PTGER4: variants seen among roughly 807,000 people sequenced by gnomAD.
PTGER4 encodes prostaglandin E receptor 4.
PTGER4 carries 11 observed loss-of-function variants against 33.2 expected under a neutral mutation model. The observed-to-expected ratio is 0.33, with a 90% CI of 0.21 to 0.55. The LOEUF is 0.55. Ranked by LOEUF, PTGER4 falls within the 20% of genes least tolerant of loss-of-function variation. The pLI is 0.92. For synonymous variants in PTGER4, 275 were observed against 281.5 expected, an observed-to-expected ratio of 0.98 and a Z score of 0.23; for missense variants, 481 against 650.2, an observed-to-expected ratio of 0.74 and a Z score of 2.83.
intron 2 of PTGER4, among the ~76,000 whole-genome samples, chr5:40,684,131 C>CCT (rs111465208): frequency 8.3e-6 from 1 of 119,826 alleles, no homozygotes; most frequent in Non-Finnish European, 1.7e-5. Context: ...CCCACCCCCC[C>CCT]CCCCACAATT....
the PTGER4 span, among the ~76,000 whole-genome samples, chr5:40,717,997 G>A: frequency 6.6e-6 from 1 of 151,948 alleles, no homozygotes. Flanking sequence ...GGGAGGCGGA[G>A]GTTGCAGTGA....
At chr5:40,687,939 G>A (rs1741369436) in intron 2 of PTGER4, among the ~76,000 whole-genome samples, 1 of 152,100 alleles carries the variant, frequency 6.6e-6, no homozygotes, top group Admixed American at 6.5e-5. Flanking sequence ...GAAATCCATT[G>A]CTGCTGTGGA....
In PTGER4 at chr5:40,693,299, T is replaced by C. The variant is rs1741517515; in HGVS notation, c.*921T>C. ...AAGTCTTTAATAAATAACCCATAAT[T>C]GAAGTGTATAATATAAAAAATTTTA... On this transcript the variant is annotated 3_prime_UTR_variant, in exon 3 of 3. Transcript: ENST00000302472. 1 of 971,162 alleles carries C rather than the reference T, an allele frequency of 1.0e-6. No individual in the cohort carries two copies. The highest frequency in any genetic ancestry group is 1.2e-6 in the Non-Finnish European group (1 of 816,876). 60.2% of individuals were successfully genotyped at this position (971,162 alleles called of 1,614,324 possible). A position where few individuals can be genotyped will look rare whatever the true frequency, so the allele number is the denominator to read the frequency against.
chr5:40,710,323 A>G, the PTGER4 span, among the ~76,000 whole-genome samples: 1 of 152,250 alleles, frequency 6.6e-6, no homozygotes, highest in African/African-American at 2.4e-5. Context: ...GACACATGAA[A>G]AAATGCTCAT....
the PTGER4 span, chr5:40,730,371 CA>C: frequency 6.4e-7 from 1 of 1,570,906 alleles, no homozygotes; most frequent in Non-Finnish European, 8.7e-7. Flanking sequence ...ATATCAATGC[CA>C]TATTTTCAAT....
At chr5:40,709,987 A>C in the PTGER4 span, among the ~76,000 whole-genome samples, 10 of 152,230 alleles carry the variant, frequency 6.6e-5, no homozygotes, top group Admixed American at 6.5e-4. Flanking sequence ...AAGAAAACCT[A>C]GGCAATACCA....
At chr5:40,689,821 T>G (rs958628183) in intron 2 of PTGER4, among the ~76,000 whole-genome samples, 2 of 152,194 alleles carry the variant, frequency 1.3e-5, no homozygotes, top group African/African-American at 4.8e-5. Context: ...ACTCAACCTC[T>G]TCTCCCTAAC....
chr5:40,682,511 T>G (rs1439327831), intron 2 of PTGER4, among the ~76,000 whole-genome samples: 1 of 152,204 alleles, frequency 6.6e-6, no homozygotes, highest in East Asian at 1.9e-4. Context: ...TACCATGGTG[T>G]GCCCTGGGAG....
At chr5:40,738,338 C>A in the PTGER4 span, among the ~76,000 whole-genome samples, 1 of 151,602 alleles carries the variant, frequency 6.6e-6, no homozygotes, top group Non-Finnish European at 1.5e-5. Context: ...TTGCTTGAAC[C>A]CGGGAGGTGG....
the PTGER4 span, among the ~76,000 whole-genome samples, chr5:40,723,133 C>G: frequency 6.6e-6 from 1 of 152,038 alleles, no homozygotes; most frequent in Non-Finnish European, 1.5e-5. Context: ...TATAACCTTA[C>G]CCCCAACCCC....
the PTGER4 span, among the ~76,000 whole-genome samples, chr5:40,740,594 A>C: frequency 6.6e-6 from 1 of 152,208 alleles, no homozygotes; most frequent in Non-Finnish European, 1.5e-5. Flanking sequence ...AGAAATAAGA[A>C]GACCAGCTCA....
At chr5:40,697,234 G>GAA (rs775347778), downstream of PTGER4, among the ~76,000 whole-genome samples, 4 of 73,576 alleles carry the variant, frequency 5.4e-5, no homozygotes, top group East Asian at 2.6e-4. Flanking sequence ...AGAAAAGAAA[G>GAA]AAAGAAAGAA....
chr5:40,739,034 A>G, the PTGER4 span, among the ~76,000 whole-genome samples: 1 of 152,214 alleles, frequency 6.6e-6, no homozygotes, highest in Non-Finnish European at 1.5e-5. Flanking sequence ...TTTAAAAACC[A>G]GAAGTTTTCA....
At chr5:40,697,018 A>G (rs374947461), downstream of PTGER4, among the ~76,000 whole-genome samples, 12 of 134,476 alleles carry the variant, frequency 8.9e-5, no homozygotes, top group Admixed American at 1.4e-4. Flanking sequence ...GAGAGAAAGA[A>G]AGAGAAAACA....
Position 40,681,473 on chromosome 5 carries a change from C to T in PTGER4, c.480C>T (p.Ser160=). 1 of 1,613,610 alleles carries T rather than the reference C, an allele frequency of 6.2e-7. No homozygotes were observed. Among genetic ancestry groups the T allele is most frequent in the Non-Finnish European group, 8.5e-7 (1 of 1,180,038 alleles). ...CGCTGCCCAACATGGGTCTCGGTAG[C>T]TCGCGGCTGCAGTACCCAGACACCT... ...FCALPNMGLG[S]SRLQYPDTWC... is the part of the protein sequence containing the mutation. The change falls in exon 2 of 3, where the codon AGC becomes AGT. Residue 160 remains serine (S), a synonymous_variant. Coordinates refer to ENST00000302472, the MANE Select transcript of PTGER4 (RefSeq NM_000958.3). This position sits in a 1 kb window ranked among gnomAD's most constrained non-coding sequence, Gnocchi z 9.8.
the PTGER4 span, among the ~76,000 whole-genome samples, chr5:40,712,824 C>A: frequency 6.6e-6 from 1 of 152,112 alleles, no homozygotes; most frequent in Non-Finnish European, 1.5e-5. Flanking sequence ...CCTTACCCGC[C>A]GCTGCCTTCT....
chr5:40,721,762 C>A, the PTGER4 span, among the ~76,000 whole-genome samples: 1 of 151,926 alleles, frequency 6.6e-6, no homozygotes, highest in African/African-American at 2.4e-5. Flanking sequence ...GAATATAACA[C>A]CAAAAACATA....
downstream of PTGER4, among the ~76,000 whole-genome samples, chr5:40,694,649 T>C (rs1484389814): frequency 6.6e-6 from 1 of 151,068 alleles, no homozygotes; most frequent in Non-Finnish European, 1.5e-5. Flanking sequence ...CTAGTCATAC[T>C]GGATTAGGGC....
the PTGER4 span, among the ~76,000 whole-genome samples, chr5:40,724,116 A>C: frequency 6.6e-6 from 1 of 152,242 alleles, no homozygotes; most frequent in Non-Finnish European, 1.5e-5. Flanking sequence ...CAATATGTAG[A>C]AACAACCTAA....
Sources: allele counts gnomAD v4.1 joint callset (sites outside exome capture counted in the v4.1 genomes callset), GRCh38; gene constraint gnomAD v4.1.1; non-coding constraint Gnocchi (gnomAD v3.1); transcripts MANE v1.5; gene names NCBI Gene and HGNC (gene_info 2026-07-23, HGNC 2026-07-21).